Variants in MECOM observed in about 807,000 individuals in gnomAD.
MECOM encodes the protein MDS1 and EVI1 complex locus.
A neutral mutation model predicts 116.3 loss-of-function variants in MECOM; 13 were observed. The observed-to-expected ratio is 0.11, with a 90% CI of 0.07 to 0.18. MECOM has a LOEUF of 0.18. MECOM is among the 10% of genes least tolerant of loss of function. The probability of loss-of-function intolerance (pLI) is 1.00; values close to 1 mark genes in which losing one functional copy is unlikely to be tolerated. For missense variants in MECOM, 1,299 were observed against 1,509.0 expected, an observed-to-expected ratio of 0.86 and a Z score of 2.31; for synonymous variants, 528 against 535.2, an observed-to-expected ratio of 0.99 and a Z score of 0.19.
chr3:169,450,823 T>G (rs1745452148), intron 1 of MECOM, among the ~76,000 whole-genome samples: 1 of 152,188 alleles, frequency 6.6e-6, no homozygotes, highest in Non-Finnish European at 1.5e-5. Flanking sequence ...TCAGGAGCTG[T>G]TATTACAAAT....
At chr3:169,221,197 TA>T (rs1253296632) in intron 2 of MECOM, among the ~76,000 whole-genome samples, 1 of 152,230 alleles carries the variant, frequency 6.6e-6, no homozygotes, top group Non-Finnish European at 1.5e-5. Flanking sequence ...ACATAGAATT[TA>T]GCATCATTTT....
At chr3:169,647,508 T>G (rs1002366658) in intron 1 of MECOM, among the ~76,000 whole-genome samples, 1 of 152,110 alleles carries the variant, frequency 6.6e-6, no homozygotes, top group African/African-American at 2.4e-5. Flanking sequence ...TTGAAAAATG[T>G]TAACTAGAGT....
In MECOM at chr3:169,489,511, TA is replaced by T. The variant is rs550365445; in HGVS notation, c.38-107988del. On this transcript the variant is annotated intron_variant, in intron 1 of 16. Coordinates refer to ENST00000651503, the MANE Select transcript of MECOM (RefSeq NM_004991.4). ...TATCCTTAAAAAGATGTGACAATTT[TA>T]AAAAAGTGTTTGTGGCATCAGGATA... Among the ~76,000 whole-genome samples, 67 of 152,216 alleles carry T rather than the reference TA, an allele frequency of 4.4e-4. 1 individual carries two copies. The South Asian group carries it at 0.014, about 32-fold the overall frequency.
At chr3:169,558,586 T>C (rs571955056) in intron 1 of MECOM, among the ~76,000 whole-genome samples, 1 of 152,350 alleles carries the variant, frequency 6.6e-6, no homozygotes, top group Admixed American at 6.5e-5. Context: ...TATATCATTG[T>C]TTATCCAGCG....
chr3:169,611,784 T>G lies in MECOM; in HGVS notation c.37+51552A>C, dbSNP rs1011232643. ...TCTCTCTTCCTTATTCTCATTTTTA[T>G]TCTTCTTTCTTCCCCCAGTCTGATA... On this transcript the variant is annotated intron_variant, in intron 1 of 16. Coordinates refer to ENST00000651503, the MANE Select transcript of MECOM (RefSeq NM_004991.4). The surrounding 1 kb of genome is among the most constrained non-coding windows in gnomAD (Gnocchi z 4.1). Among the ~76,000 whole-genome samples the G allele has an allele frequency of 4.6e-5, 7 of 152,238 alleles. No individual in the cohort carries two copies. Among genetic ancestry groups the G allele is most frequent in the African/African-American group, 1.4e-4 (6 of 41,466 alleles).
intron 1 of MECOM, among the ~76,000 whole-genome samples, chr3:169,604,517 A>T (rs1768263688): frequency 6.6e-6 from 1 of 152,232 alleles, no homozygotes; most frequent in South Asian, 2.1e-4. Flanking sequence ...GCAGCTAGGC[A>T]GAAAACTAGA....
chr3:169,295,704 C>T (rs1216177976), intron 2 of MECOM, among the ~76,000 whole-genome samples: 1 of 152,128 alleles, frequency 6.6e-6, no homozygotes, highest in Non-Finnish European at 1.5e-5. Flanking sequence ...TTCTTCTTCT[C>T]CTTAAAGTCA....
intron 2 of MECOM, among the ~76,000 whole-genome samples, chr3:169,358,957 C>T (rs1474170968): frequency 6.6e-6 from 1 of 151,634 alleles, no homozygotes; most frequent in East Asian, 1.9e-4. Flanking sequence ...GCAATTAGTA[C>T]TTCTTTTTCA....
chr3:169,588,486 G>A (rs1259136994), intron 1 of MECOM, among the ~76,000 whole-genome samples: 5 of 152,084 alleles, frequency 3.3e-5, no homozygotes, highest in African/African-American at 9.7e-5. Context: ...AGAATTCAGG[G>A]GTGAAGGGAA....
At chr3:169,326,304 C>T (rs760389004) in intron 2 of MECOM, among the ~76,000 whole-genome samples, 6 of 152,110 alleles carry the variant, frequency 3.9e-5, no homozygotes, top group Non-Finnish European at 7.4e-5. Flanking sequence ...AAAATTATGC[C>T]ACCTGAACCC....
chr3:169,188,665 T>C (rs1747092545), intron 2 of MECOM, among the ~76,000 whole-genome samples: 1 of 152,130 alleles, frequency 6.6e-6, no homozygotes, highest in African/African-American at 2.4e-5. Context: ...GCCATGACTC[T>C]GCCATTGTGC....
intron 2 of MECOM, among the ~76,000 whole-genome samples, chr3:169,349,133 C>T (rs886183480): frequency 3.4e-5 from 5 of 147,972 alleles, no homozygotes; most frequent in African/African-American, 1.2e-4. Flanking sequence ...TGGTAACAAT[C>T]AGGCTTTTAT....
chr3:169,469,603 GT>G (rs1243923885), intron 1 of MECOM, among the ~76,000 whole-genome samples: 3 of 29,160 alleles, frequency 1.0e-4, no homozygotes, highest in East Asian at 4.8e-4. Flanking sequence ...CAAGGTGTAC[GT>G]TTTTTTCTCC....
chr3:169,408,084 C>G (rs1230531889), intron 1 of MECOM, among the ~76,000 whole-genome samples: 1 of 152,170 alleles, frequency 6.6e-6, no homozygotes, highest in Non-Finnish European at 1.5e-5. Context: ...CTTCAAAGAA[C>G]AGAATCTGTC....
chr3:169,383,054 G>C (rs1181134860), intron 1 of MECOM, among the ~76,000 whole-genome samples: 1 of 151,886 alleles, frequency 6.6e-6, no homozygotes, highest in Non-Finnish European at 1.5e-5. Context: ...TCTTCTAAGA[G>C]AGTTTATTGG....
At chr3:169,420,433 C>A (rs1415477556) in intron 1 of MECOM, among the ~76,000 whole-genome samples, 2 of 152,046 alleles carry the variant, frequency 1.3e-5, no homozygotes, top group Non-Finnish European at 2.9e-5. Flanking sequence ...CTTTCAATAC[C>A]AAGAACCCAT....
intron 2 of MECOM, among the ~76,000 whole-genome samples, chr3:169,277,240 A>C (rs1457364832): frequency 1.3e-5 from 2 of 152,198 alleles, no homozygotes. Flanking sequence ...AGGGTATTCA[A>C]GAATAGTTCA....
At chr3:169,414,074 C>T (rs541899313) in intron 1 of MECOM, among the ~76,000 whole-genome samples, 1 of 152,166 alleles carries the variant, frequency 6.6e-6, no homozygotes, top group Admixed American at 6.5e-5. Flanking sequence ...GGTCCCAGAC[C>T]CCCGTGCCTC....
chr3:169,178,402 CCAAATAGAGCAGAGTCGAGGAA>C (rs1015967664), intron 2 of MECOM, among the ~76,000 whole-genome samples: 1 of 152,100 alleles, frequency 6.6e-6, no homozygotes, highest in Non-Finnish European at 1.5e-5. Flanking sequence ...GCCTTATCTC[CCAAATAGAGCAGAGTCGAGGAA>C]TCATCATCAA....
Sources: gnomAD v4.1 joint callset for allele counts (sites outside exome capture counted in the v4.1 genomes callset) on GRCh38, gnomAD v4.1.1 for gene constraint, Gnocchi (gnomAD v3.1) non-coding constraint, MANE v1.5 for transcripts, NCBI Gene and HGNC (gene_info 2026-07-23, HGNC 2026-07-21) for gene names.